Variants in RAB31 observed in about 807,000 individuals in gnomAD.
RAB31 encodes the protein RAB31, member RAS oncogene family, also known as ras-related protein Rab-31.
A neutral mutation model predicts 25.6 loss-of-function variants in RAB31; 21 were observed. That is an observed-to-expected ratio of 0.82 (90% confidence interval 0.58 to 1.18). The LOEUF is 1.18. Among genes scored for constraint, RAB31 ranks in the 50% most tolerant of loss-of-function variants. The probability of loss-of-function intolerance (pLI) is 0.00; values close to 1 mark genes in which losing one functional copy is unlikely to be tolerated. For synonymous variants in RAB31, 87 were observed against 84.0 expected (o/e 1.04, Z -0.20); for missense variants, 196 against 250.1 (o/e 0.78, Z 1.46).
chr18:9,719,286 AAAAAAAAAAAAAATATATATAT>A lies in RAB31; in HGVS notation c.39+10844_39+10865del, dbSNP rs1263295180. Among the ~76,000 whole-genome samples the A allele has an allele frequency of 6.0e-5, 4 of 66,762 alleles. No homozygotes were observed. In the South Asian group the frequency reaches 1.7e-3, roughly 28 times the overall value. 43.8% of individuals were successfully genotyped at this position (66,762 alleles called of 152,430 possible). A position where few individuals can be genotyped will look rare whatever the true frequency, so the allele number is the denominator to read the frequency against. On this transcript the variant is annotated intron_variant, in intron 1 of 6. Transcript: ENST00000578921. ...CTCTGTCTCAAAAAAAAAAAAAAAAAAAAAAAAAAAAAATATATATATATATATATATATATATATATAAATA... is the reference window on the plus strand; with the variant it reads ...CTCTGTCTCAAAAAAAAAAAAAAAAAATATATATATATATATATATAAATA...
chr18:9,839,142 G>A (rs1290403725), intron 5 of RAB31, among the ~76,000 whole-genome samples: 3 of 152,224 alleles, frequency 2.0e-5, no homozygotes, highest in Non-Finnish European at 4.4e-5. Flanking sequence ...TATGACGATA[G>A]GAGTATGACA....
intron 1 of RAB31, among the ~76,000 whole-genome samples, chr18:9,770,113 G>A (rs1333330797): frequency 6.6e-6 from 1 of 152,132 alleles, no homozygotes; most frequent in Non-Finnish European, 1.5e-5. Flanking sequence ...GAGGATTTTT[G>A]CGTTGGTGTT....
chr18:9,782,577 G>A (rs1310060013), intron 2 of RAB31, among the ~76,000 whole-genome samples: 1 of 152,220 alleles, frequency 6.6e-6, no homozygotes, highest in Non-Finnish European at 1.5e-5. Flanking sequence ...TAAGGAAATT[G>A]TGTAACTTCT....
intron 3 of RAB31, among the ~76,000 whole-genome samples, chr18:9,806,625 T>C (rs1057021283): frequency 3.3e-5 from 5 of 152,192 alleles, no homozygotes; most frequent in African/African-American, 7.2e-5. Flanking sequence ...AGAATGGAGC[T>C]TGGCTTTTAT....
chr18:9,715,977 G>A (rs2145454433), intron 1 of RAB31, among the ~76,000 whole-genome samples: 1 of 152,220 alleles, frequency 6.6e-6, no homozygotes, highest in South Asian at 2.1e-4. Flanking sequence ...ACAATACTAT[G>A]CTCCCATCCC....
At chr18:9,753,709 AG>A (rs1294077433) in intron 1 of RAB31, among the ~76,000 whole-genome samples, 7 of 152,180 alleles carry the variant, frequency 4.6e-5, no homozygotes, top group Non-Finnish European at 7.3e-5. Flanking sequence ...TAGGAGATGA[AG>A]GCATGGGAAT....
chr18:9,809,871 C>G (rs560355364), intron 3 of RAB31, among the ~76,000 whole-genome samples: 1 of 152,284 alleles, frequency 6.6e-6, no homozygotes, highest in Non-Finnish European at 1.5e-5. Flanking sequence ...TGTCCAGCTG[C>G]TTTCCAGAAA....
intron 5 of RAB31, among the ~76,000 whole-genome samples, chr18:9,840,278 TCTCTGCATGTTTATACCTTGG>T (rs1437057631): frequency 5.9e-5 from 9 of 152,194 alleles, no homozygotes; most frequent in African/African-American, 2.2e-4. Flanking sequence ...CAAAACTAAC[TCTCTGCATGTTTATACCTTGG>T]CTTGGGTGAA....
At chr18:9,741,204 C>T (rs866100148) in intron 1 of RAB31, among the ~76,000 whole-genome samples, 3 of 151,664 alleles carry the variant, frequency 2.0e-5, no homozygotes, top group Non-Finnish European at 2.9e-5. Flanking sequence ...GGTGAAACTC[C>T]GTCTCCACTA....
At chr18:9,735,944 C>T (rs950788661) in intron 1 of RAB31, among the ~76,000 whole-genome samples, 2 of 152,132 alleles carry the variant, frequency 1.3e-5, no homozygotes, top group African/African-American at 4.8e-5. Flanking sequence ...ACAAGGGATC[C>T]TCCTGCCTCA....
intron 5 of RAB31, among the ~76,000 whole-genome samples, chr18:9,840,938 A>T (rs1260447484): frequency 6.6e-6 from 1 of 152,126 alleles, no homozygotes. Context: ...ATTTTTAAAT[A>T]TTCTTTAGAG....
At chr18:9,804,105 C>T (rs1290699271) in intron 3 of RAB31, among the ~76,000 whole-genome samples, 1 of 152,230 alleles carries the variant, frequency 6.6e-6, no homozygotes, top group East Asian at 1.9e-4. Flanking sequence ...GAGGGGAAAG[C>T]CTCAGAGCTG....
chr18:9,746,705 G>C (rs115883149), intron 1 of RAB31, among the ~76,000 whole-genome samples: 4,744 of 152,254 alleles, frequency 0.031, 223 homozygotes, highest in African/African-American at 0.11. Flanking sequence ...GGGACAACCA[G>C]ATATCCACAT....
chr18:9,823,529 T>C (rs1241105674), intron 5 of RAB31, among the ~76,000 whole-genome samples: 1 of 152,178 alleles, frequency 6.6e-6, no homozygotes, highest in Admixed American at 6.5e-5. Context: ...GCGAAGTGTA[T>C]GAGAAATCGC....
chr18:9,712,746 CGTG>C, intron 1 of RAB31, among the ~76,000 whole-genome samples: 1 of 151,590 alleles, frequency 6.6e-6, no homozygotes, highest in African/African-American at 2.4e-5. Flanking sequence ...TTAAAAACTG[CGTG>C]CACTTAAAAA....
chr18:9,757,536 G>A (rs2068266228), intron 1 of RAB31, among the ~76,000 whole-genome samples: 4 of 152,198 alleles, frequency 2.6e-5, no homozygotes, highest in Admixed American at 2.6e-4. Context: ...GTCAACTCTA[G>A]TCCAGAACTC....
intron 5 of RAB31, among the ~76,000 whole-genome samples, chr18:9,835,519 T>C (rs951450796): frequency 1.3e-4 from 20 of 152,216 alleles, no homozygotes; most frequent in Non-Finnish European, 2.9e-5. Context: ...GGCGAGAACC[T>C]GACACTGCTC....
chr18:9,789,235 G>A (rs376259350), intron 2 of RAB31, among the ~76,000 whole-genome samples: 2 of 152,204 alleles, frequency 1.3e-5, no homozygotes, highest in East Asian at 1.9e-4. Flanking sequence ...GAAGGGTTGG[G>A]GGAGGGAAGG....
intron 6 of RAB31, among the ~76,000 whole-genome samples, chr18:9,853,003 A>T (rs560755943): frequency 6.6e-6 from 1 of 152,274 alleles, no homozygotes; most frequent in African/African-American, 2.4e-5. Flanking sequence ...GTGTCTTTTC[A>T]TGAGCTTGTT....
Sources: allele counts gnomAD v4.1 joint callset (sites outside exome capture counted in the v4.1 genomes callset), GRCh38; gene constraint gnomAD v4.1.1; transcripts MANE v1.5; gene names NCBI Gene and HGNC (gene_info 2026-07-23, HGNC 2026-07-21).